Variants in JAZF1 observed in about 807,000 individuals in gnomAD.
JAZF1 encodes JAZF zinc finger 1, also known as juxtaposed with another zinc finger protein 1.
JAZF1 carries 8 observed loss-of-function variants against 26.4 expected under a neutral mutation model. The observed-to-expected ratio is 0.30, with a 90% CI of 0.18 to 0.55. The LOEUF (loss-of-function observed/expected upper bound fraction) is 0.55, where lower values mean the gene tolerates loss of function less well. Ranked by LOEUF, JAZF1 falls within the 20% of genes least tolerant of loss-of-function variation. The pLI, the probability that JAZF1 is intolerant of heterozygous loss-of-function variation, is 0.94. For missense variants in JAZF1, 199 were observed against 322.0 expected (o/e 0.62, Z 2.92); for synonymous variants, 126 against 122.3 (o/e 1.03, Z -0.20).
At chr7:28,072,045 G>GT (rs1368640066) in intron 1 of JAZF1, among the ~76,000 whole-genome samples, 2 of 152,194 alleles carry the variant, frequency 1.3e-5, no homozygotes, top group Non-Finnish European at 2.9e-5. Context: ...CACGTCTTCT[G>GT]TTCTAAAATC....
At chr7:28,068,609 G>A (rs1017700071) in intron 1 of JAZF1, among the ~76,000 whole-genome samples, 5 of 152,128 alleles carry the variant, frequency 3.3e-5, no homozygotes, top group South Asian at 2.1e-4. Flanking sequence ...AGCAGGAAAA[G>A]TAAAGCAAAT....
intron 1 of JAZF1, among the ~76,000 whole-genome samples, chr7:28,171,861 T>C (rs1435034856): frequency 6.6e-6 from 1 of 152,168 alleles, no homozygotes; most frequent in African/African-American, 2.4e-5. Flanking sequence ...GTGGCACATA[T>C]AGTAATGATT....
At chr7:28,018,575 G>A (rs1028099333) in intron 1 of JAZF1, among the ~76,000 whole-genome samples, 6 of 152,110 alleles carry the variant, frequency 3.9e-5, no homozygotes, top group East Asian at 1.9e-4. Flanking sequence ...CAGATTAAGG[G>A]AAAAATTATA....
chr7:28,153,921 C>T (rs1236663464), intron 1 of JAZF1, among the ~76,000 whole-genome samples: 1 of 152,118 alleles, frequency 6.6e-6, no homozygotes, highest in African/African-American at 2.4e-5. Context: ...CTACCTGCCC[C>T]TCTACCCCCT....
chr7:28,171,394 T>C (rs1034451903), intron 1 of JAZF1, among the ~76,000 whole-genome samples: 1 of 152,324 alleles, frequency 6.6e-6, no homozygotes, highest in East Asian at 1.9e-4. Context: ...AAAGTTACCT[T>C]TGTAATTTAT....
In JAZF1 at chr7:27,831,250, T is replaced by TGTC. The variant is rs1157112214; in HGVS notation, c.*1547_*1549dup. ...GGTTTACTCATCTAACAAACAGAAC[T>TGTC]GTCATCCTTTCAAAATGTCTGAAAA... is the stretch of plus-strand genomic sequence containing the variant. On this transcript the variant is annotated 3_prime_UTR_variant, in exon 5 of 5. Coordinates refer to ENST00000283928, the MANE Select transcript of JAZF1 (RefSeq NM_175061.4). 4.4e-6 allele frequency: 1 copy of TGTC among 225,052 alleles called. No homozygotes were observed. Among genetic ancestry groups the TGTC allele is most frequent in the Admixed American group, 5.7e-5 (1 of 17,474 alleles). 13.9% of individuals were successfully genotyped at this position (225,052 alleles called of 1,614,324 possible).
intron 2 of JAZF1, among the ~76,000 whole-genome samples, chr7:27,918,474 G>C (rs762847731): frequency 6.6e-6 from 1 of 152,176 alleles, no homozygotes; most frequent in African/African-American, 2.4e-5. Context: ...TAGGAGGGCA[G>C]AGTTCATGTT....
intron 2 of JAZF1, among the ~76,000 whole-genome samples, chr7:27,897,271 T>C (rs1309326195): frequency 6.6e-6 from 1 of 152,104 alleles, no homozygotes; most frequent in Non-Finnish European, 1.5e-5. Flanking sequence ...AACACGGACA[T>C]GCTTATGGGG....
At chr7:28,140,296 T>C (rs905432608) in intron 1 of JAZF1, among the ~76,000 whole-genome samples, 3 of 152,080 alleles carry the variant, frequency 2.0e-5, no homozygotes, top group Non-Finnish European at 2.9e-5. Flanking sequence ...TTGGCCAGGC[T>C]GGTCTCGAAG....
intron 2 of JAZF1, among the ~76,000 whole-genome samples, chr7:27,930,239 C>T (rs1468738243): frequency 6.6e-6 from 1 of 152,202 alleles, no homozygotes; most frequent in East Asian, 1.9e-4. Context: ...TCATGATCCG[C>T]CCGCCTTGGC....
intron 1 of JAZF1, among the ~76,000 whole-genome samples, chr7:28,135,417 T>C (rs768792621): frequency 6.6e-6 from 1 of 152,242 alleles, no homozygotes; most frequent in Non-Finnish European, 1.5e-5. Flanking sequence ...TTTACAATTG[T>C]TCTTATGTCA....
chr7:27,856,267 G>A (rs3940270), intron 3 of JAZF1, among the ~76,000 whole-genome samples: 34,572 of 152,064 alleles, frequency 0.23, 4,796 homozygotes, highest in East Asian at 0.57. Flanking sequence ...CTCTTAAGGC[G>A]GCACATCTGC....
chr7:27,936,704 A>G (rs1168438083), intron 2 of JAZF1, among the ~76,000 whole-genome samples: 1 of 152,154 alleles, frequency 6.6e-6, no homozygotes, highest in Non-Finnish European at 1.5e-5. Flanking sequence ...TAAAGATTAA[A>G]ATGCTCTCCC....
intron 1 of JAZF1, among the ~76,000 whole-genome samples, chr7:28,152,365 C>G (rs1783125003): frequency 1.3e-5 from 2 of 152,190 alleles, no homozygotes; most frequent in Admixed American, 1.3e-4. Context: ...GCTTGACTTA[C>G]TACTCATGAA....
chr7:28,106,316 G>T (rs1360970287), intron 1 of JAZF1, among the ~76,000 whole-genome samples: 1 of 152,122 alleles, frequency 6.6e-6, no homozygotes, highest in Admixed American at 6.5e-5. Flanking sequence ...ACAAAAGTCA[G>T]GAAATCTGGA....
chr7:27,910,338 A>AT (rs1784341559), intron 2 of JAZF1, among the ~76,000 whole-genome samples: 1 of 152,110 alleles, frequency 6.6e-6, no homozygotes, highest in African/African-American at 2.4e-5. Flanking sequence ...GCCTGCACAA[A>AT]TTTATGGGTT....
At position 28,116,247 on chromosome 7, in the gene JAZF1, T is replaced by C. The variant is rs573971791; in HGVS notation, c.115+64216A>G. ...CTGGCCGAACTGGCCTTCATGAGGG[T>C]TATGCCATTCTGTACTCTCAGAAGT... On this transcript the variant is annotated intron_variant, in intron 1 of 4. Transcript: ENST00000283928. Among the ~76,000 whole-genome samples the C allele has an allele frequency of 8.9e-4, 135 of 152,146 alleles. 4 individuals are homozygous for C. In the South Asian group the frequency reaches 0.027, roughly 30 times the overall value.
At chr7:28,169,271 C>T (rs1783417433) in intron 1 of JAZF1, among the ~76,000 whole-genome samples, 1 of 152,110 alleles carries the variant, frequency 6.6e-6, no homozygotes, top group South Asian at 2.1e-4. Context: ...GGTGTGGGCC[C>T]CTGAAAGTGC....
intron 1 of JAZF1, among the ~76,000 whole-genome samples, chr7:28,003,017 C>A (rs1437178879): frequency 1.3e-5 from 2 of 152,136 alleles, no homozygotes; most frequent in African/African-American, 4.8e-5. Context: ...TACTCTTGAA[C>A]TGAGCACCTC....
Sources: gnomAD v4.1 joint callset for allele counts (sites outside exome capture counted in the v4.1 genomes callset) on GRCh38, gnomAD v4.1.1 for gene constraint, MANE v1.5 for transcripts, NCBI Gene and HGNC (gene_info 2026-07-23, HGNC 2026-07-21) for gene names.